The following IQGAP2 variants were observed in gnomAD, a reference collection of about 807,000 sequenced individuals.
IQGAP2 encodes the protein ras GTPase-activating-like protein IQGAP2.
A neutral mutation model predicts 201.3 loss-of-function variants in IQGAP2; 173 were observed. That is an observed-to-expected ratio of 0.86 (90% CI 0.76 to 0.98). The LOEUF is 0.98. IQGAP2 is among the 50% of genes least tolerant of loss of function. The pLI is 0.00. For missense variants in IQGAP2, 1,687 were observed against 1,864.8 expected (o/e 0.90, Z 1.76); for synonymous variants, 675 against 673.9 (o/e 1.00, Z -0.03).
At chr5:76,496,725 T>C (rs199935938) in intron 2 of IQGAP2, among the ~76,000 whole-genome samples, 6 of 93,676 alleles carry the variant, frequency 6.4e-5, no homozygotes, top group African/African-American at 2.8e-4. Flanking sequence ...TCTTTCTTTC[T>C]TTTCTTTCTT....
intron 30 of IQGAP2, among the ~76,000 whole-genome samples, chr5:76,687,566 G>A (rs1157937107): frequency 2.7e-5 from 4 of 150,894 alleles, no homozygotes; most frequent in African/African-American, 7.2e-5. Context: ...GACACAGCAG[G>A]AGGGGAGCAA....
chr5:76,610,727 T>C (rs897480291), intron 12 of IQGAP2, among the ~76,000 whole-genome samples: 3 of 152,150 alleles, frequency 2.0e-5, no homozygotes, highest in Admixed American at 2.0e-4. Context: ...TTTTTTCCCA[T>C]GGTGTTGTAT....
chr5:76,692,276 T>C (rs1746330990), intron 30 of IQGAP2, among the ~76,000 whole-genome samples: 1 of 152,172 alleles, frequency 6.6e-6, no homozygotes, highest in Non-Finnish European at 1.5e-5. Context: ...TTAGGCCTCC[T>C]GAGCAGCTGG....
chr5:76,627,511 A>G lies in IQGAP2; in HGVS notation c.1612+11A>G. On this transcript the variant is annotated intron_variant, in intron 14 of 35. Transcript: ENST00000274364. Reference sequence around the variant, plus strand: ...ACAGAGCAAAACAATGTAAGCCCTCACCTCCTTTGCTCTTGAAACTTGCCT... The same window carrying G: ...ACAGAGCAAAACAATGTAAGCCCTCGCCTCCTTTGCTCTTGAAACTTGCCT... The G allele has an allele frequency of 7.0e-7, 1 of 1,419,862 alleles. No homozygotes were observed. Among genetic ancestry groups the G allele is most frequent in the Non-Finnish European group, 9.9e-7 (1 of 1,006,988 alleles). The allele number at this position is 1,419,862 out of a possible 1,614,324, so 88.0% of individuals were successfully genotyped here.
At chr5:76,623,389 C>T in intron 13 of IQGAP2, 1 of 724,130 alleles carries the variant, frequency 1.4e-6, no homozygotes, top group East Asian at 2.7e-5. Flanking sequence ...TTGCCCTGGT[C>T]CTCCGCAGGG....
At chr5:76,536,341 G>A (rs1290653409) in intron 2 of IQGAP2, among the ~76,000 whole-genome samples, 1 of 150,364 alleles carries the variant, frequency 6.7e-6, no homozygotes, top group East Asian at 2.0e-4. Context: ...AAAGTGCGGG[G>A]ATCACAGGCG....
At chr5:76,407,003 G>A (rs1363417618) in intron 1 of IQGAP2, among the ~76,000 whole-genome samples, 1 of 151,988 alleles carries the variant, frequency 6.6e-6, no homozygotes, top group African/African-American at 2.4e-5. Flanking sequence ...TTTTTAGGCA[G>A]TATCTTGCTC....
chr5:76,695,167 A>C (rs1485025570), intron 31 of IQGAP2, among the ~76,000 whole-genome samples: 1 of 152,230 alleles, frequency 6.6e-6, no homozygotes, highest in Non-Finnish European at 1.5e-5. Flanking sequence ...TGTGGGGAAC[A>C]AAGTAGCAGT....
chr5:76,455,162 T>G (rs1399467046), intron 1 of IQGAP2, among the ~76,000 whole-genome samples: 1 of 152,002 alleles, frequency 6.6e-6, no homozygotes, highest in East Asian at 1.9e-4. Flanking sequence ...TAAAAACAAA[T>G]GAACAGTCTG....
chr5:76,535,046 AC>A (rs1759538403), intron 2 of IQGAP2, among the ~76,000 whole-genome samples: 1 of 152,142 alleles, frequency 6.6e-6, no homozygotes. Flanking sequence ...TGAGGTAGGG[AC>A]ACAGCAGGTA....
rs748957093 is a variant in IQGAP2, at chr5:76,606,304, G to GT, written c.1357+2dup. On this transcript the variant is annotated splice_donor_variant, in intron 12 of 35. Transcript: ENST00000274364. LOFTEE classifies it high-confidence loss of function. The stretch of plus-strand genomic sequence containing the variant: ...GCTCAAATTCAAGAAGAAAATGACC[G>GT]TAAGTATAAGACACTTTCCTTCTCT... The GT allele has an allele frequency of 1.3e-6, 2 of 1,593,510 alleles. No homozygotes were observed. The highest frequency in any genetic ancestry group is 1.7e-5 in the Admixed American group (1 of 57,348).
rs190944295 is a variant in IQGAP2 at position 76,551,820 on chromosome 5, G to A, written c.147-10576G>A. On this transcript the variant is annotated intron_variant, in intron 2 of 35. Coordinates refer to ENST00000274364, the MANE Select transcript of IQGAP2 (RefSeq NM_006633.5). The stretch of plus-strand genomic sequence containing the variant: ...ATGGCGGCAGTACAGTCCAGCCTCC[G>A]CTGGGCATCAGAGGGAGACCTTGCA... 6.2e-3 allele frequency among the ~76,000 whole-genome samples: 940 copies of A among 150,898 alleles called. 76 individuals carry two copies. In the East Asian group the frequency reaches 0.18, roughly 28 times the overall value.
intron 34 of IQGAP2, 40 bp from the exon 35 acceptor site, chr5:76,702,442 A>G (rs958635053): frequency 1.1e-6 from 1 of 918,730 alleles, no homozygotes; most frequent in African/African-American, 1.6e-5. Context: ...GCACATCTGT[A>G]TTTGTAATTT....
intron 1 of IQGAP2, among the ~76,000 whole-genome samples, chr5:76,416,183 C>A (rs1292753466): frequency 1.3e-5 from 2 of 152,136 alleles, no homozygotes; most frequent in East Asian, 3.9e-4. Flanking sequence ...GGGTTTATGA[C>A]CAAATGCCTT....
Position 76,405,335 on chromosome 5 carries a change from T to C in IQGAP2, c.46+1744T>C, listed in dbSNP as rs533960333. ...AGCCCACTCCACAGGGCCGCTTTCT[T>C]TGGAAATCTTCATCCAGCTTTCTTC... On this transcript the variant is annotated intron_variant, in intron 1 of 35. Transcript: ENST00000274364. Among the ~76,000 whole-genome samples, 17 of 152,326 alleles carry C rather than the reference T, an allele frequency of 1.1e-4. No homozygotes were observed. In the South Asian group the frequency reaches 3.3e-3, roughly 30 times the overall value.
chr5:76,477,953 G>T (rs1278727269), intron 2 of IQGAP2, among the ~76,000 whole-genome samples: 4 of 152,164 alleles, frequency 2.6e-5, no homozygotes, highest in Admixed American at 2.0e-4. Flanking sequence ...TTTTTGTACA[G>T]CAGTAAAATG....
At chr5:76,517,928 G>C (rs944989096) in intron 2 of IQGAP2, among the ~76,000 whole-genome samples, 1 of 151,974 alleles carries the variant, frequency 6.6e-6, no homozygotes, top group Non-Finnish European at 1.5e-5. Context: ...CCTGAGACTG[G>C]GCAATTTACG....
chr5:76,433,220 A>G (rs1222721427), intron 1 of IQGAP2, among the ~76,000 whole-genome samples: 1 of 152,162 alleles, frequency 6.6e-6, no homozygotes, highest in South Asian at 2.1e-4. Flanking sequence ...TGTTTTTGGC[A>G]CATTTGCTTT....
chr5:76,461,649 C>T lies in IQGAP2; in HGVS notation c.126C>T (p.Cys42=), dbSNP rs758299465. The T allele has an allele frequency of 6.2e-7, 1 of 1,613,014 alleles. No homozygotes were observed. The highest frequency in any genetic ancestry group is 8.5e-7 in the Non-Finnish European group (1 of 1,179,044). ...RRQNIAYEYL[C]HLEEAKRWME... is the part of the protein sequence containing the mutation. ...AGAACATTGCTTATGAATATCTGTG[C>T]CACTTAGAGGAAGCCAAAAGGTAAG... The change falls in exon 2 of 36, where the codon TGC becomes TGT. Residue 42 remains cysteine (C), a synonymous_variant. Coordinates refer to ENST00000274364, the MANE Select transcript of IQGAP2 (RefSeq NM_006633.5).
Sources: allele counts gnomAD v4.1 joint callset (sites outside exome capture counted in the v4.1 genomes callset), GRCh38; gene constraint gnomAD v4.1.1; transcripts MANE v1.5; gene names NCBI Gene and HGNC (gene_info 2026-07-23, HGNC 2026-07-21).